Variants in PLPPR1 observed in about 807,000 individuals in gnomAD.
The protein encoded by PLPPR1 is phospholipid phosphatase-related protein type 1.
A neutral mutation model predicts 33.1 loss-of-function variants in PLPPR1; 10 were observed. That is an observed-to-expected ratio of 0.30 (90% CI 0.19 to 0.51). The LOEUF is 0.51. Among genes scored for constraint, PLPPR1 ranks in the 20% least tolerant of loss-of-function variants. The pLI is 0.97. For missense variants in PLPPR1, 304 were observed against 408.1 expected (o/e 0.74, Z 2.20); for synonymous variants, 151 against 151.0 (o/e 1.00, Z 0.00).
intron 1 of PLPPR1, among the ~76,000 whole-genome samples, chr9:101,107,930 C>T (rs976798829): frequency 1.5e-4 from 22 of 151,044 alleles, no homozygotes; most frequent in African/African-American, 5.2e-4. Context: ...GTTCGTCACC[C>T]CTTTCTTTGA....
Position 101,129,434 on chromosome 9 carries a change from A to G in PLPPR1, c.-45-56016A>G, listed in dbSNP as rs183676586. 7.9e-4 allele frequency among the ~76,000 whole-genome samples: 120 copies of G among 152,344 alleles called. 1 individual carries two copies. Among genetic ancestry groups the G allele is most frequent in the Non-Finnish European group, 1.4e-3 (98 of 68,030 alleles). On this transcript the variant is annotated intron_variant, in intron 1 of 7. Transcript: ENST00000374874. Reference sequence around the variant, plus strand: ...GTAAACAATTGTTCATAGTAGTTGTATTTGTAACAGCCCAGAACTAGAAAC... The same window carrying G: ...GTAAACAATTGTTCATAGTAGTTGTGTTTGTAACAGCCCAGAACTAGAAAC...
intron 1 of PLPPR1, among the ~76,000 whole-genome samples, chr9:101,163,937 A>G (rs1825809983): frequency 6.6e-6 from 1 of 152,188 alleles, no homozygotes; most frequent in African/African-American, 2.4e-5. Flanking sequence ...CATTGAATGT[A>G]TCTTGGTAGG....
At chr9:101,200,625 T>A (rs1826475308) in intron 2 of PLPPR1, among the ~76,000 whole-genome samples, 1 of 152,222 alleles carries the variant, frequency 6.6e-6, no homozygotes, top group Non-Finnish European at 1.5e-5. Context: ...AATTTCATTT[T>A]GTTTATTTTT....
chr9:101,228,646 A>G (rs565239885), intron 2 of PLPPR1, among the ~76,000 whole-genome samples: 96 of 152,300 alleles, frequency 6.3e-4, no homozygotes, highest in African/African-American at 2.1e-3. Context: ...TTGATAGTAA[A>G]TTCCAGTGGA....
chr9:101,151,179 A>G (rs190909799), intron 1 of PLPPR1, among the ~76,000 whole-genome samples: 7 of 152,192 alleles, frequency 4.6e-5, no homozygotes, highest in Non-Finnish European at 8.8e-5. Context: ...AATAGTCTAT[A>G]AACTAGATAA....
At chr9:101,298,466 T>G (rs75671785) in intron 4 of PLPPR1, among the ~76,000 whole-genome samples, 7,424 of 152,256 alleles carry the variant, frequency 0.049, 556 homozygotes, top group African/African-American at 0.16. Flanking sequence ...TTTTATGGTT[T>G]TAAGAATTGA....
intron 4 of PLPPR1, among the ~76,000 whole-genome samples, chr9:101,291,442 C>T (rs1454376462): frequency 6.6e-6 from 1 of 152,202 alleles, no homozygotes; most frequent in South Asian, 2.1e-4. Context: ...AGCAGTGGTT[C>T]TCCCAGCACG....
At chr9:101,175,459 T>C (rs1327434622) in intron 1 of PLPPR1, among the ~76,000 whole-genome samples, 2 of 152,192 alleles carry the variant, frequency 1.3e-5, no homozygotes, top group Non-Finnish European at 2.9e-5. Flanking sequence ...CTAGGCACTG[T>C]CTACTGTGCC....
intron 1 of PLPPR1, among the ~76,000 whole-genome samples, chr9:101,167,220 C>CAT (rs1825875021): frequency 2.1e-5 from 1 of 48,516 alleles, no homozygotes; most frequent in Non-Finnish European, 4.8e-5. Context: ...CACATACACA[C>CAT]ACACACACAC....
At chr9:101,178,948 CTG>C (rs1204962358) in intron 1 of PLPPR1, among the ~76,000 whole-genome samples, 1 of 152,166 alleles carries the variant, frequency 6.6e-6, no homozygotes, top group African/African-American at 2.4e-5. Context: ...GGGAGGAACA[CTG>C]TCACCAGGAG....
At chr9:101,039,251 A>G (rs1830047486) in intron 1 of PLPPR1, among the ~76,000 whole-genome samples, 1 of 152,118 alleles carries the variant, frequency 6.6e-6, no homozygotes, top group African/African-American at 2.4e-5. Flanking sequence ...TCTGCCATCC[A>G]CTAGCTTTGT....
Position 101,116,553 on chromosome 9 carries a change from G to A in PLPPR1, c.-45-68897G>A, listed in dbSNP as rs890744619. On this transcript the variant is annotated intron_variant, in intron 1 of 7. Coordinates refer to ENST00000374874, the MANE Select transcript of PLPPR1 (RefSeq NM_207299.2). ...ATAACGGCTTGGCGCAGTGGCTCAC[G>A]CCTGTAATCCCAGGACTTTGGGAGG... 5.3e-5 allele frequency among the ~76,000 whole-genome samples: 8 copies of A among 152,088 alleles called. No homozygotes were observed. In the South Asian group the frequency reaches 1.5e-3, roughly 28 times the overall value.
intron 1 of PLPPR1, among the ~76,000 whole-genome samples, chr9:101,171,177 G>A (rs1825936828): frequency 6.6e-6 from 1 of 152,054 alleles, no homozygotes. Context: ...ACTTACTTGA[G>A]GTCCAGGCAG....
chr9:101,314,317 A>G (rs928774854), intron 6 of PLPPR1, among the ~76,000 whole-genome samples: 1 of 152,138 alleles, frequency 6.6e-6, no homozygotes, highest in Non-Finnish European at 1.5e-5. Context: ...TCCCTCCCCA[A>G]TATGCAAAAT....
chr9:101,088,927 A>G (rs1830711318), intron 1 of PLPPR1, among the ~76,000 whole-genome samples: 1 of 152,200 alleles, frequency 6.6e-6, no homozygotes, highest in South Asian at 2.1e-4. Flanking sequence ...GCTGTGCTGC[A>G]TCATTACTGA....
chr9:101,163,004 T>C (rs1825789461), intron 1 of PLPPR1, among the ~76,000 whole-genome samples: 1 of 152,198 alleles, frequency 6.6e-6, no homozygotes, highest in African/African-American at 2.4e-5. Flanking sequence ...TTGTGGTTTC[T>C]CTGTGAGGAA....
intron 4 of PLPPR1, 133 bp downstream of exon 4, chr9:101,286,369 C>A: frequency 1.3e-6 from 1 of 754,944 alleles, no homozygotes; most frequent in Non-Finnish European, 2.0e-6. Context: ...CCTGATCCTA[C>A]TGCCACATCA....
intron 1 of PLPPR1, among the ~76,000 whole-genome samples, chr9:101,053,782 A>C (rs1440330362): frequency 1.3e-5 from 2 of 152,220 alleles, no homozygotes; most frequent in Non-Finnish European, 2.9e-5. Flanking sequence ...TTGATCATAA[A>C]TGGCCTTGCG....
At chr9:101,153,879 G>A (rs149622870) in intron 1 of PLPPR1, among the ~76,000 whole-genome samples, 187 of 152,210 alleles carry the variant, frequency 1.2e-3, no homozygotes, top group African/African-American at 4.2e-3. Context: ...CACCGTGCCT[G>A]GCCCATCAAT....
Sources: allele counts gnomAD v4.1 joint callset (sites outside exome capture counted in the v4.1 genomes callset), GRCh38; gene constraint gnomAD v4.1.1; transcripts MANE v1.5; gene names NCBI Gene and HGNC (gene_info 2026-07-23, HGNC 2026-07-21).